SATB1: variants seen among roughly 807,000 people sequenced by gnomAD.
SATB1 encodes DNA-binding protein SATB1.
SATB1 carries 11 observed loss-of-function variants against 86.9 expected under a neutral mutation model. The observed-to-expected ratio is 0.13, with a 90% CI of 0.08 to 0.21. The LOEUF (loss-of-function observed/expected upper bound fraction) is 0.21, where lower values mean the gene tolerates loss of function less well. SATB1 is among the 10% of genes least tolerant of loss of function. The pLI is 1.00. For synonymous variants in SATB1, 357 were observed against 357.2 expected (o/e 1.00, Z 0.01); for missense variants, 551 against 937.6 (o/e 0.59, Z 5.39).
chr3:18,350,724 T>G (rs1694313485), intron 10 of SATB1: 1 of 152,534 alleles, frequency 6.6e-6, no homozygotes, highest in Admixed American at 6.5e-5. Flanking sequence ...ACGATTATTT[T>G]AGTGCTTGAT....
At chr3:18,373,459 G>A (rs1162161052) in intron 9 of SATB1, among the ~76,000 whole-genome samples, 2 of 152,166 alleles carry the variant, frequency 1.3e-5, no homozygotes, top group Non-Finnish European at 2.9e-5. Flanking sequence ...AGAATGCAAT[G>A]TCAATGGTTC....
In SATB1 at chr3:18,386,376, C is replaced by A. The variant is rs1351885326; in HGVS notation, c.1419+23G>T. On this transcript the variant is annotated intron_variant, in intron 8 of 10. Coordinates refer to ENST00000338745, the MANE Select transcript of SATB1 (RefSeq NM_002971.6). The surrounding 1 kb of genome is among the most constrained non-coding windows in gnomAD (Gnocchi z 4.5). ...TAAAAAAAAGCTAAACAAAGAAGGG[C>A]AAGGAGGAAAAGGAGACCGCACCTG... 19 of 1,583,386 alleles carry A rather than the reference C, an allele frequency of 1.2e-5. No individual in the cohort carries two copies. Among genetic ancestry groups the A allele is most frequent in the Non-Finnish European group, 1.6e-5 (19 of 1,155,876 alleles).
At position 18,349,710 on chromosome 3, in the gene SATB1, G is replaced by A. The variant is rs770607204; in HGVS notation, c.1780-28C>T. 1 of 1,565,796 alleles carries A rather than the reference G, an allele frequency of 6.4e-7. No homozygotes were observed. Among genetic ancestry groups the A allele is most frequent in the Non-Finnish European group, 8.6e-7 (1 of 1,157,044 alleles). The stretch of plus-strand genomic sequence containing the variant: ...GCAAAGAAACAAGGAGACAATCAGA[G>A]CTCTGCTATCGTGGAGTTCCACACA... On this transcript the variant is annotated intron_variant, in intron 10 of 10. Transcript: ENST00000338745. The surrounding 1 kb of genome is among the most constrained non-coding windows in gnomAD (Gnocchi z 5.5).
intron 5 of SATB1, among the ~76,000 whole-genome samples, chr3:18,413,818 A>G (rs1244511893): frequency 6.6e-6 from 1 of 152,124 alleles, no homozygotes; most frequent in Non-Finnish European, 1.5e-5. Flanking sequence ...ATATATAGAA[A>G]GCTATTAATT....
At chr3:18,359,564 C>A (rs547640494) in intron 9 of SATB1, among the ~76,000 whole-genome samples, 1 of 151,994 alleles carries the variant, frequency 6.6e-6, no homozygotes, top group East Asian at 1.9e-4. Context: ...ATACGTCAAA[C>A]CTGCTTTTAG....
chr3:18,397,371 T>C lies in SATB1; in HGVS notation c.640-81A>G, dbSNP rs939113855. The C allele has an allele frequency of 1.3e-5, 11 of 853,818 alleles. No individual in the cohort carries two copies. In the African/African-American group the frequency reaches 1.7e-4, roughly 13 times the overall value. 52.9% of individuals were successfully genotyped at this position (853,818 alleles called of 1,614,324 possible). A position where few individuals can be genotyped will look rare whatever the true frequency, so the allele number is the denominator to read the frequency against. On this transcript the variant is annotated intron_variant, in intron 5 of 10. Transcript: ENST00000338745. ...CAGAAATGATCTCAATTGTGGCAAC[T>C]GTATTTTTTTAATCAACTGAGTACC... is the stretch of plus-strand genomic sequence containing the variant.
At chr3:18,439,625 C>A (rs13074493), upstream of SATB1, among the ~76,000 whole-genome samples, 12 of 151,918 alleles carry the variant, frequency 7.9e-5, no homozygotes, top group Non-Finnish European at 1.8e-4. Flanking sequence ...TGAAGGAGAA[C>A]CTTATGTAAC....
intron 9 of SATB1, among the ~76,000 whole-genome samples, chr3:18,355,330 A>G (rs1046483981): frequency 2.0e-5 from 3 of 152,076 alleles, no homozygotes; most frequent in African/African-American, 7.2e-5. Flanking sequence ...AATACCTTGG[A>G]ATATTTTGAC....
chr3:18,410,982 G>T (rs66944057), intron 5 of SATB1: 1 of 393,752 alleles, frequency 2.5e-6, no homozygotes. Flanking sequence ...TCAGGAGCAC[G>T]AGGTAGTTTC....
rs1427462398 is a variant in SATB1 at position 18,345,507 on chromosome 3, T to A, written c.*3663A>T. The A allele has an allele frequency of 6.6e-6, 1 of 152,138 alleles. No individual in the cohort carries two copies. Among genetic ancestry groups the A allele is most frequent in the Non-Finnish European group, 1.5e-5 (1 of 67,974 alleles). The allele number at this position is 152,138 out of a possible 1,614,324, so 9.4% of individuals were successfully genotyped here. On this transcript the variant is annotated 3_prime_UTR_variant, in exon 11 of 11. Transcript: ENST00000338745. ...CTTTATATTTTATCAAAAATGTGCA[T>A]ATTAATAGATTGTAGTTTAGCCTTT...
At chr3:18,355,595 T>A (rs1694590843) in intron 9 of SATB1, among the ~76,000 whole-genome samples, 1 of 151,968 alleles carries the variant, frequency 6.6e-6, no homozygotes, top group Admixed American at 6.6e-5. Flanking sequence ...CTGCATAGAC[T>A]TATGTGGGGG....
At chr3:18,445,346 G>A in intron 1 of SATB1, 1 of 985,222 alleles carries the variant, frequency 1.0e-6, no homozygotes, top group Non-Finnish European at 1.2e-6. Flanking sequence ...CCAGCGCGCC[G>A]GCCGGGGTGT....
chr3:18,428,915 G>C (rs768373111), upstream of SATB1, among the ~76,000 whole-genome samples: 1 of 152,166 alleles, frequency 6.6e-6, no homozygotes, highest in Non-Finnish European at 1.5e-5. Flanking sequence ...TTTAGAATTC[G>C]AGTGCTTTTA....
At chr3:18,437,720 G>T (rs1699111800) in intron 1 of SATB1, among the ~76,000 whole-genome samples, 1 of 152,056 alleles carries the variant, frequency 6.6e-6, no homozygotes, top group African/African-American at 2.4e-5. Context: ...TTAAAATATT[G>T]TTTTTTCCTC....
chr3:18,391,380 ATT>A (rs11293804), intron 7 of SATB1, among the ~76,000 whole-genome samples: 28 of 150,296 alleles, frequency 1.9e-4, no homozygotes, highest in Middle Eastern at 3.5e-3. Flanking sequence ...TTTTACATTA[ATT>A]TTTTTTTTAT....
intron 9 of SATB1, among the ~76,000 whole-genome samples, chr3:18,363,870 T>A (rs1470606314): frequency 1.3e-5 from 2 of 151,860 alleles, no homozygotes; most frequent in Non-Finnish European, 2.9e-5. Flanking sequence ...GAAAAAAAAA[T>A]GTCTAATCTA....
chr3:18,358,973 T>C (rs986558466), intron 9 of SATB1, among the ~76,000 whole-genome samples: 8 of 151,990 alleles, frequency 5.3e-5, no homozygotes, highest in African/African-American at 1.7e-4. Flanking sequence ...TAAACACCTC[T>C]ACCAGAGTTT....
At chr3:18,426,611 A>T (rs1698713631), upstream of SATB1, among the ~76,000 whole-genome samples, 1 of 152,232 alleles carries the variant, frequency 6.6e-6, no homozygotes, top group South Asian at 2.1e-4. This position sits in a 1 kb window ranked among gnomAD's most constrained non-coding sequence, Gnocchi z 4.2. Context: ...GAAATGCCTC[A>T]TTTATCGCTT....
chr3:18,350,990 C>T (rs1386244235), intron 10 of SATB1: 1 of 338,060 alleles, frequency 3.0e-6, no homozygotes, highest in Non-Finnish European at 5.7e-6. Flanking sequence ...AAATCATCCC[C>T]TTTAACAAAA....
Sources: allele counts gnomAD v4.1 joint callset (sites outside exome capture counted in the v4.1 genomes callset), GRCh38; gene constraint gnomAD v4.1.1; non-coding constraint Gnocchi (gnomAD v3.1); transcripts MANE v1.5; gene names NCBI Gene and HGNC (gene_info 2026-07-23, HGNC 2026-07-21).